NBPF10: variants seen among roughly 807,000 people sequenced by gnomAD.
NBPF10 encodes NBPF member 10.
In NBPF10, 63 loss-of-function variants were observed where a neutral mutation model predicts 77.9. The ratio of observed to expected loss-of-function variants is 0.81; its 90% CI spans 0.66 to 1.00. NBPF10 has a LOEUF of 1.00. NBPF10 is among the 50% of genes least tolerant of loss of function. The pLI, the probability that NBPF10 is intolerant of heterozygous loss-of-function variation, is 0.00. For synonymous variants in NBPF10, 146 were observed against 264.5 expected (o/e 0.55, Z 4.35); for missense variants, 522 against 679.8 (o/e 0.77, Z 2.58).
rs1285196487 is a variant in NBPF10 at position 146,067,511 on chromosome 1, T to C, written c.11036-223A>G. On this transcript the variant is annotated intron_variant, in intron 88 of 89. Coordinates refer to ENST00000583866, the Ensembl canonical transcript of NBPF10. ...ATGTCCCTATTCTAGTAGATCGTTA[T>C]CCCAATATCATTTGTCCCAAGTTTG... Among the ~76,000 whole-genome samples the C allele has an allele frequency of 8.4e-4, 124 of 147,848 alleles. 1 individual carries two copies. The Middle Eastern group carries it at 0.014, about 16-fold the overall frequency.
At chr1:146,140,061 A>G in intron 4 of NBPF10, 41 bp from the exon 5 acceptor site, 1 of 1,360,000 alleles carries the variant, frequency 7.4e-7, no homozygotes, top group African/African-American at 1.4e-5. Flanking sequence ...AAGATTAAAC[A>G]CAGAGGGATT....
Position 146,126,648 on chromosome 1 carries a change from T to C in NBPF10, c.1854-240A>G, listed in dbSNP as rs587751177. The stretch of plus-strand genomic sequence containing the variant: ...ACACACACACACAGAGCGAGCTCAG[T>C]CAATTGGTCAGGTGACACACTGATG... On this transcript the variant is annotated intron_variant, in intron 13 of 89. Transcript: ENST00000583866. 6.9e-5 allele frequency among the ~76,000 whole-genome samples: 9 copies of C among 130,046 alleles called. No homozygotes were observed. In the East Asian group the frequency reaches 2.1e-3, roughly 30 times the overall value. The allele number at this position is 130,046 out of a possible 152,430, so 85.3% of individuals were successfully genotyped here.
chr1:146,066,711 T>G (rs782035435), intron 89 of NBPF10, 150 bp from the exon 90 acceptor site: 2 of 590,086 alleles, frequency 3.4e-6, no homozygotes, highest in South Asian at 2.1e-5. Context: ...ATTGCCTTTA[T>G]GTTGGGATAG....
intron 5 of NBPF10, among the ~76,000 whole-genome samples, chr1:146,138,935 G>C (rs1487114658): frequency 7.6e-4 from 97 of 127,714 alleles, no homozygotes; most frequent in Admixed American, 1.4e-3. Flanking sequence ...CAAGCGCCAA[G>C]TAACATGCCA....
In NBPF10 at chr1:146,069,154, G is replaced by C. The variant is rs1655519155; in HGVS notation, c.10811-331C>G. Among the ~76,000 whole-genome samples the C allele has an allele frequency of 2.6e-5, 2 of 77,372 alleles. 1 individual carries two copies. Among genetic ancestry groups the C allele is most frequent in the South Asian group, 7.2e-4 (2 of 2,764 alleles). 50.8% of individuals were successfully genotyped at this position (77,372 alleles called of 152,430 possible). On this transcript the variant is annotated intron_variant, in intron 86 of 89. Coordinates refer to ENST00000583866, the Ensembl canonical transcript of NBPF10. ...GCTAGGAGAAAAACTGCACTATTCA[G>C]CCCTGTCTCATCAAATACTCAGATT... is the stretch of plus-strand genomic sequence containing the variant.
In NBPF10 at chr1:146,114,860, A is replaced by C. The variant is rs1364025843; in HGVS notation, c.3716-340T>G. ...TGCAGTATTCAGCCCTGTCTCATCA[A>C]ATGCCCAGCTCGTTCATGGATGCAA... On this transcript the variant is annotated intron_variant, in intron 28 of 89. Coordinates refer to ENST00000583866, the Ensembl canonical transcript of NBPF10. Among the ~76,000 whole-genome samples, 3 of 32,214 alleles carry C rather than the reference A, an allele frequency of 9.3e-5. 1 individual carries two copies. The highest frequency in any genetic ancestry group is 1.4e-3 in the East Asian group (2 of 1,402). 21.1% of individuals were successfully genotyped at this position (32,214 alleles called of 152,430 possible).
intron 81 of NBPF10, among the ~76,000 whole-genome samples, chr1:146,073,106 A>G (rs1655821025): frequency 1.4e-5 from 1 of 73,302 alleles, no homozygotes; most frequent in Non-Finnish European, 2.5e-5. Flanking sequence ...AGAGGGAGAG[A>G]GAGAGAGGGA....
At chr1:146,142,469 C>A (rs1395509231) in intron 2 of NBPF10, among the ~76,000 whole-genome samples, 181 bp downstream of exon 2, 10 of 132,476 alleles carry the variant, frequency 7.5e-5, no homozygotes, top group Non-Finnish European at 1.8e-4. Context: ...TAAGAAACAA[C>A]TGCAACACAG....
intron 88 of NBPF10, among the ~76,000 whole-genome samples, chr1:146,067,562 C>T (rs1342743416): frequency 1.3e-5 from 2 of 149,948 alleles, no homozygotes; most frequent in Non-Finnish European, 3.0e-5. Flanking sequence ...CATATTTTTC[C>T]AATCAACGTA....
rs782694134 is a variant in NBPF10, at chr1:146,126,279, G to A, written c.1983C>T (p.Tyr661=). Residue 661 remains tyrosine, a synonymous_variant, in exon 14 of 90, where the codon TAC becomes TAT. Coordinates refer to ENST00000583866, the Ensembl canonical transcript of NBPF10. ...AGCCAACACGCTGTTGCTCCAATATGTAAAAGGCACTTCTGTAGGGCTGGC... is the reference window on the plus strand; with the variant it reads ...AGCCAACACGCTGTTGCTCCAATATATAAAAGGCACTTCTGTAGGGCTGGC... The A allele has an allele frequency of 2.8e-5, 45 of 1,606,868 alleles. 2 individuals are homozygous for A. The highest frequency in any genetic ancestry group is 2.2e-4 in the Middle Eastern group (1 of 4,474).
intron 5 of NBPF10, among the ~76,000 whole-genome samples, chr1:146,138,934 A>G (rs1659985997): frequency 7.1e-6 from 1 of 141,756 alleles, no homozygotes; most frequent in South Asian, 2.5e-4. Flanking sequence ...ACAAGCGCCA[A>G]GTAACATGCC....
At position 146,126,034 on chromosome 1, in the gene NBPF10, C is replaced by G. The variant is rs75808639; in HGVS notation, c.2026+202G>C. On this transcript the variant is annotated intron_variant, in intron 14 of 89. Transcript: ENST00000583866. ...ATGGTGCCACAGGCATGGCCTGAGA[C>G]TAGGAAGAGAGCCTTGCTCACTGAC... Among the ~76,000 whole-genome samples, 5 of 151,778 alleles carry G rather than the reference C, an allele frequency of 3.3e-5. 1 individual carries two copies. The highest frequency in any genetic ancestry group is 9.7e-5 in the African/African-American group (4 of 41,324).
chr1:146,092,989 G>C lies in NBPF10; in HGVS notation c.7150+193C>G, dbSNP rs1285250972. 2.0e-3 allele frequency among the ~76,000 whole-genome samples: 188 copies of C among 92,690 alleles called. No homozygotes were observed. The Middle Eastern group carries it at 0.024, about 12-fold the overall frequency. 60.8% of individuals were successfully genotyped at this position (92,690 alleles called of 152,430 possible). A position where few individuals can be genotyped will look rare whatever the true frequency, so the allele number is the denominator to read the frequency against. On this transcript the variant is annotated intron_variant, in intron 56 of 89. Coordinates refer to ENST00000583866, the Ensembl canonical transcript of NBPF10. Reference sequence around the variant, plus strand: ...CGGGCATGGCCTGAGACTAGGAAGAGAGCCTTGCTCACTGACCCATCCCTT... The same window carrying C: ...CGGGCATGGCCTGAGACTAGGAAGACAGCCTTGCTCACTGACCCATCCCTT...
rs797040747 is a variant in NBPF10, at chr1:146,129,885, T to C, written c.1638-1603A>G. Among the ~76,000 whole-genome samples, 6 of 97,476 alleles carry C rather than the reference T, an allele frequency of 6.2e-5. 1 individual carries two copies. Among genetic ancestry groups the C allele is most frequent in the African/African-American group, 1.5e-4 (3 of 20,220 alleles). The allele number at this position is 97,476 out of a possible 152,430, so 63.9% of individuals were successfully genotyped here. The stretch of plus-strand genomic sequence containing the variant: ...ATGTATAGTTTTCCTTTATTATTTT[T>C]TGTGTGTATGTATATATATATATAT... On this transcript the variant is annotated intron_variant, in intron 11 of 89. Coordinates refer to ENST00000583866, the Ensembl canonical transcript of NBPF10.
intron 14 of NBPF10, among the ~76,000 whole-genome samples, chr1:146,125,820 T>G (rs3868770): frequency 6.7e-6 from 1 of 149,222 alleles, no homozygotes; most frequent in South Asian, 2.1e-4. Flanking sequence ...CCCCAAATGG[T>G]TGCTAGGAGA....
chr1:146,141,669 T>C, exon 3 of NBPF10: 1 of 1,175,820 alleles, frequency 8.5e-7, no homozygotes. Flanking sequence ...TTCTTGGAGG[T>C]CCTGCCCCTG....
At chr1:146,138,804 A>G (rs1264228992) in intron 5 of NBPF10, among the ~76,000 whole-genome samples, 326 of 123,458 alleles carry the variant, frequency 2.6e-3, no homozygotes, top group East Asian at 3.5e-3. Context: ...TTTTTGTTTG[A>G]GACGGAGTCT....
exon 90 of NBPF10, chr1:146,066,390 G>C (rs782374929): frequency 1.0e-6 from 1 of 977,432 alleles, no homozygotes; most frequent in Non-Finnish European, 1.4e-6. Flanking sequence ...AAAACCTATT[G>C]TCCACGTAAA....
rs587656504 is a variant in NBPF10 at position 146,126,536 on chromosome 1, C to G, written c.1854-128G>C. 781 of 706,808 alleles carry G rather than the reference C, an allele frequency of 1.1e-3. 7 individuals are homozygous for G. Among genetic ancestry groups the G allele is most frequent in the African/African-American group, 0.011 (620 of 56,170 alleles). The allele number at this position is 706,808 out of a possible 1,614,324, so 43.8% of individuals were successfully genotyped here. On this transcript the variant is annotated intron_variant, in intron 13 of 89. Transcript: ENST00000583866. Reference sequence around the variant, plus strand: ...AAGGACAGATCCATTAATGAGGTAACAAATTATTGCCTTTATGTTGGGATT... The same window carrying G: ...AAGGACAGATCCATTAATGAGGTAAGAAATTATTGCCTTTATGTTGGGATT...
Sources: allele counts gnomAD v4.1 joint callset (sites outside exome capture counted in the v4.1 genomes callset), GRCh38; gene constraint gnomAD v4.1.1; transcripts MANE v1.5; gene names NCBI Gene and HGNC (gene_info 2026-07-23, HGNC 2026-07-21).